RGS7: variants seen among roughly 807,000 people sequenced by gnomAD.
The protein encoded by RGS7 is regulator of G-protein signaling 7.
A neutral mutation model predicts 81.1 loss-of-function variants in RGS7; 27 were observed. The ratio of observed to expected loss-of-function variants is 0.33; its 90% CI spans 0.25 to 0.46. The LOEUF (loss-of-function observed/expected upper bound fraction) is 0.46, where lower values mean the gene tolerates loss of function less well. Among genes scored for constraint, RGS7 ranks in the 20% least tolerant of loss-of-function variants. The pLI is 1.00. For synonymous variants in RGS7, 208 were observed against 207.7 expected (o/e 1.00, Z -0.01); for missense variants, 396 against 607.4 (o/e 0.65, Z 3.66).
intron 2 of RGS7, among the ~76,000 whole-genome samples, chr1:241,330,223 G>A: frequency 6.6e-6 from 1 of 152,196 alleles, no homozygotes. Context: ...ACAGGCGTGA[G>A]CCACCCCGCC....
At chr1:240,895,101 T>C (rs1279061772) in intron 6 of RGS7, among the ~76,000 whole-genome samples, 1 of 151,944 alleles carries the variant, frequency 6.6e-6, no homozygotes, top group Non-Finnish European at 1.5e-5. Flanking sequence ...CCCCTCACTC[T>C]CTCCCTCTTG....
At chr1:241,293,468 A>G (rs1328824459) in intron 2 of RGS7, among the ~76,000 whole-genome samples, 1 of 152,168 alleles carries the variant, frequency 6.6e-6, no homozygotes, top group Non-Finnish European at 1.5e-5. Context: ...TGACAGCTCC[A>G]TGCCTATTAC....
intron 2 of RGS7, among the ~76,000 whole-genome samples, chr1:241,300,903 T>C (rs1254280683): frequency 1.3e-5 from 2 of 152,260 alleles, no homozygotes; most frequent in African/African-American, 4.8e-5. Context: ...ACTGTTACTC[T>C]ACATTCTTGC....
chr1:241,079,173 A>C (rs535618554), intron 3 of RGS7, among the ~76,000 whole-genome samples: 3 of 152,184 alleles, frequency 2.0e-5, no homozygotes, highest in Non-Finnish European at 4.4e-5. Context: ...GCAGCACCGG[A>C]TGCCAACAGA....
chr1:240,835,691 T>C (rs999187187), intron 9 of RGS7, among the ~76,000 whole-genome samples: 1 of 152,170 alleles, frequency 6.6e-6, no homozygotes, highest in South Asian at 2.1e-4. Flanking sequence ...AACCAAGATG[T>C]CCTTTAGTAG....
chr1:241,126,499 C>T (rs940110135), intron 2 of RGS7, among the ~76,000 whole-genome samples: 2 of 152,156 alleles, frequency 1.3e-5, no homozygotes, highest in Non-Finnish European at 2.9e-5. Flanking sequence ...ATGCAACGGG[C>T]TCTAGATCAA....
chr1:241,242,800 A>G (rs1181373205), intron 2 of RGS7, among the ~76,000 whole-genome samples: 2 of 152,046 alleles, frequency 1.3e-5, no homozygotes, highest in African/African-American at 2.4e-5. Context: ...TTGTCTATTC[A>G]TGTCCTTAGT....
At chr1:241,213,750 TC>T (rs1259475419) in intron 2 of RGS7, among the ~76,000 whole-genome samples, 6 of 152,188 alleles carry the variant, frequency 3.9e-5, no homozygotes, top group African/African-American at 1.4e-4. Flanking sequence ...GTATGAAGAT[TC>T]AGTTAATTTT....
chr1:241,265,330 ACTTGTT>A (rs1295919535), intron 2 of RGS7, among the ~76,000 whole-genome samples: 1 of 152,200 alleles, frequency 6.6e-6, no homozygotes, highest in Non-Finnish European at 1.5e-5. Context: ...ATCAAAACAA[ACTTGTT>A]CATGGGTCAA....
At chr1:241,340,145 A>G (rs1422455486) in intron 2 of RGS7, among the ~76,000 whole-genome samples, 1 of 152,204 alleles carries the variant, frequency 6.6e-6, no homozygotes, top group East Asian at 1.9e-4. Flanking sequence ...AATGATCTAT[A>G]CTAAAACTTA....
chr1:240,907,480 G>T (rs1273764925), intron 6 of RGS7, among the ~76,000 whole-genome samples: 1 of 147,062 alleles, frequency 6.8e-6, no homozygotes, highest in Admixed American at 6.8e-5. Flanking sequence ...ACTAAAGTTT[G>T]CTCAAGGAAA....
At chr1:240,783,664 G>T (rs1379254133) in intron 18 of RGS7, among the ~76,000 whole-genome samples, 1 of 151,638 alleles carries the variant, frequency 6.6e-6, no homozygotes, top group Non-Finnish European at 1.5e-5. Flanking sequence ...ATCGTTCTTG[G>T]TCTTAAAGTA....
chr1:241,269,199 T>TA (rs1008520503), intron 2 of RGS7, among the ~76,000 whole-genome samples: 7 of 152,224 alleles, frequency 4.6e-5, no homozygotes, highest in Non-Finnish European at 8.8e-5. Flanking sequence ...GGTCTCTTTT[T>TA]AAAAAAATCT....
chr1:241,080,737 A>T (rs962856967), intron 3 of RGS7, among the ~76,000 whole-genome samples: 1 of 152,144 alleles, frequency 6.6e-6, no homozygotes, highest in African/African-American at 2.4e-5. Flanking sequence ...TTTTAGAACC[A>T]TATATATTTT....
At chr1:240,895,745 C>T (rs1438244678) in intron 6 of RGS7, among the ~76,000 whole-genome samples, 2 of 152,168 alleles carry the variant, frequency 1.3e-5, no homozygotes, top group South Asian at 2.1e-4. Context: ...CCGCAATAAA[C>T]GTACATGTGC....
intron 10 of RGS7, among the ~76,000 whole-genome samples, chr1:240,826,032 T>C (rs538904324): frequency 6.6e-6 from 1 of 152,314 alleles, no homozygotes; most frequent in East Asian, 1.9e-4. Context: ...AATCTTGTTC[T>C]GCAAAAATAG....
intron 3 of RGS7, among the ~76,000 whole-genome samples, chr1:241,038,097 G>A (rs901544227): frequency 6.6e-6 from 1 of 152,110 alleles, no homozygotes; most frequent in Non-Finnish European, 1.5e-5. Context: ...ATAACCACCT[G>A]CTTCCCAAAA....
At chr1:240,998,950 T>G (rs1209894772) in intron 3 of RGS7, among the ~76,000 whole-genome samples, 3 of 152,164 alleles carry the variant, frequency 2.0e-5, no homozygotes, top group Non-Finnish European at 2.9e-5. Flanking sequence ...TCTTTTGTTA[T>G]AAACCCACAA....
chr1:240,839,812 C>G (rs1218949089), intron 9 of RGS7, among the ~76,000 whole-genome samples: 1 of 152,006 alleles, frequency 6.6e-6, no homozygotes, highest in African/African-American at 2.4e-5. Context: ...CAAGCCAGAA[C>G]TCTCAGTTTC....
Sources: gnomAD v4.1 joint callset for allele counts (sites outside exome capture counted in the v4.1 genomes callset) on GRCh38, gnomAD v4.1.1 for gene constraint, MANE v1.5 for transcripts, NCBI Gene and HGNC (gene_info 2026-07-23, HGNC 2026-07-21) for gene names.